Variants in LIMK1 observed in about 807,000 individuals in gnomAD.
LIMK1 encodes LIM domain kinase 1.
A neutral mutation model predicts 77.6 loss-of-function variants in LIMK1; 21 were observed. The ratio of observed to expected loss-of-function variants is 0.27; its 90% CI spans 0.19 to 0.39. LIMK1 has a LOEUF of 0.39. LIMK1 is among the 10% of genes least tolerant of loss of function. The pLI, the probability that LIMK1 is intolerant of heterozygous loss-of-function variation, is 1.00. For synonymous variants in LIMK1, 358 were observed against 370.0 expected, an observed-to-expected ratio of 0.97 and a Z score of 0.37; for missense variants, 696 against 901.6, an observed-to-expected ratio of 0.77 and a Z score of 2.92.
chr7:74,096,491 C>T, intron 2 of LIMK1, 131 bp from the exon 3 acceptor site: 2 of 1,217,704 alleles, frequency 1.6e-6, no homozygotes, highest in Non-Finnish European at 2.3e-6. Flanking sequence ...CAGAGCAAGA[C>T]TCCGTCTCAA....
Position 74,084,052 on chromosome 7 carries a change from G to A in LIMK1, c.55+7G>A. The A allele has an allele frequency of 6.8e-7, 1 of 1,480,998 alleles. No homozygotes were observed. Among genetic ancestry groups the A allele is most frequent in the Non-Finnish European group, 9.0e-7 (1 of 1,106,278 alleles). 91.7% of individuals were successfully genotyped at this position (1,480,998 alleles called of 1,614,324 possible). On this transcript the variant is annotated splice_region_variant and intron_variant, in intron 1 of 15. Coordinates refer to ENST00000336180, the MANE Select transcript of LIMK1 (RefSeq NM_002314.4). Reference sequence around the variant, plus strand: ...GAACGTATGGGAGAGGAAGGTGCGCGGGCCGCGGGGTGTGGGGCGAGGGCC... The same window carrying A: ...GAACGTATGGGAGAGGAAGGTGCGCAGGCCGCGGGGTGTGGGGCGAGGGCC...
At chr7:74,099,450 A>C (rs782173135) in intron 5 of LIMK1, among the ~76,000 whole-genome samples, 5 of 152,112 alleles carry the variant, frequency 3.3e-5, no homozygotes, top group Non-Finnish European at 7.4e-5. Context: ...GACATTTTCA[A>C]CCGGGCATGG....
intron 5 of LIMK1, among the ~76,000 whole-genome samples, chr7:74,100,167 G>C (rs1799425987): frequency 6.6e-6 from 1 of 152,110 alleles, no homozygotes; most frequent in Admixed American, 6.6e-5. Flanking sequence ...TTGAGCCCAG[G>C]AAGTGGCTAC....
chr7:74,088,399 G>A (rs1799175695), intron 2 of LIMK1, among the ~76,000 whole-genome samples: 1 of 152,174 alleles, frequency 6.6e-6, no homozygotes, highest in Non-Finnish European at 1.5e-5. Context: ...GCGGACTGCT[G>A]AGGGAACAGG....
intron 9 of LIMK1, 96 bp from the exon 10 acceptor site, chr7:74,108,809 G>C (rs1229371155): frequency 6.6e-7 from 1 of 1,526,610 alleles, no homozygotes; most frequent in Middle Eastern, 2.4e-4. Flanking sequence ...CTTTGAGACC[G>C]CCTACAGCCC....
chr7:74,100,459 G>A (rs1159603932), intron 5 of LIMK1, among the ~76,000 whole-genome samples: 3 of 152,104 alleles, frequency 2.0e-5, no homozygotes, highest in Non-Finnish European at 4.4e-5. Flanking sequence ...GTCTCACTCT[G>A]TCGCCCAGTC....
chr7:74,118,741 ACT>A (rs1421250446), intron 13 of LIMK1, among the ~76,000 whole-genome samples: 10 of 151,862 alleles, frequency 6.6e-5, no homozygotes, highest in African/African-American at 2.4e-4. Context: ...ACAGAGCAAG[ACT>A]CTGTCTCAAA....
At chr7:74,090,952 C>T (rs1181619435) in intron 2 of LIMK1, among the ~76,000 whole-genome samples, 7 of 152,046 alleles carry the variant, frequency 4.6e-5, no homozygotes, top group South Asian at 2.1e-4. Context: ...CTCGCTCTGT[C>T]GCCCAGGCTG....
chr7:74,097,268 C>A, intron 4 of LIMK1, 79 bp downstream of exon 4: 1 of 843,398 alleles, frequency 1.2e-6, no homozygotes, highest in Non-Finnish European at 1.8e-6. Flanking sequence ...TCTCCCACAC[C>A]CGGGCCTCCT....
chr7:74,083,980 C>A lies in LIMK1; in HGVS notation c.-11C>A, dbSNP rs782470899. ...CCCCAGCCCCGCCGGGCCCCGCCCC[C>A]CGTCGAGTGCATGAGGTTGACGCTA... On this transcript the variant is annotated 5_prime_UTR_variant, in exon 1 of 16. Transcript: ENST00000336180. The A allele has an allele frequency of 2.2e-6, 3 of 1,349,696 alleles. No individual in the cohort carries two copies. The highest frequency in any genetic ancestry group is 2.6e-5 in the Admixed American group (1 of 37,960). The allele number at this position is 1,349,696 out of a possible 1,614,324, so 83.6% of individuals were successfully genotyped here.
At chr7:74,117,992 G>C (rs1012368302) in intron 13 of LIMK1, among the ~76,000 whole-genome samples, 6 of 151,668 alleles carry the variant, frequency 4.0e-5, no homozygotes, top group African/African-American at 1.2e-4. Context: ...TACTAGGGAG[G>C]CTGAGGCAGG....
chr7:74,116,815 C>T (rs1230141717), intron 13 of LIMK1, among the ~76,000 whole-genome samples: 3 of 151,976 alleles, frequency 2.0e-5, no homozygotes, highest in Admixed American at 6.6e-5. Context: ...TGTCATCCCA[C>T]CCCAGCCTCC....
chr7:74,088,740 T>A (rs1799182833), intron 2 of LIMK1, among the ~76,000 whole-genome samples: 1 of 143,390 alleles, frequency 7.0e-6, no homozygotes, highest in Admixed American at 7.5e-5. Context: ...AGGCGGAGGC[T>A]GCAGTGAGCT....
chr7:74,092,089 C>T lies in LIMK1; in HGVS notation c.153-4533C>T, dbSNP rs532955896. 2.7e-5 allele frequency among the ~76,000 whole-genome samples: 4 copies of T among 150,336 alleles called. No homozygotes were observed. The East Asian group carries it at 7.9e-4, about 30-fold the overall frequency. On this transcript the variant is annotated intron_variant, in intron 2 of 15. Coordinates refer to ENST00000336180, the MANE Select transcript of LIMK1 (RefSeq NM_002314.4). Reference sequence around the variant, plus strand: ...TCAAGCGATTCTCCTGCCTCAGCTTCCTGGTAGCTGGGACTACAGGCGCCC... The same window carrying T: ...TCAAGCGATTCTCCTGCCTCAGCTTTCTGGTAGCTGGGACTACAGGCGCCC...
Position 74,093,354 on chromosome 7 carries a change from G to A in LIMK1, c.153-3268G>A, listed in dbSNP as rs538397241. ...CTGGGCTCCAGGCAGGGCCCCTGGT[G>A]TAAGGCCTGGGGCTGGAAGCCGACC... On this transcript the variant is annotated intron_variant, in intron 2 of 15. Coordinates refer to ENST00000336180, the MANE Select transcript of LIMK1 (RefSeq NM_002314.4). 7.8e-6 allele frequency: 12 copies of A among 1,532,110 alleles called. No individual in the cohort carries two copies. In the South Asian group the frequency reaches 8.4e-5, roughly 11 times the overall value. The allele number at this position is 1,532,110 out of a possible 1,614,324, so 94.9% of individuals were successfully genotyped here. A position where few individuals can be genotyped will look rare whatever the true frequency, so the allele number is the denominator to read the frequency against.
At chr7:74,087,747 G>A (rs782617553) in intron 2 of LIMK1, among the ~76,000 whole-genome samples, 19 of 151,888 alleles carry the variant, frequency 1.3e-4, no homozygotes, top group Admixed American at 6.6e-5. Flanking sequence ...GCACCACCAC[G>A]CCCGGCTAAG....
At chr7:74,099,441 A>T (rs2115673842) in intron 5 of LIMK1, among the ~76,000 whole-genome samples, 1 of 152,230 alleles carries the variant, frequency 6.6e-6, no homozygotes, top group South Asian at 2.1e-4. Context: ...CAATAAAAAG[A>T]CATTTTCAAC....
At chr7:74,091,882 C>T (rs879947382) in intron 2 of LIMK1, among the ~76,000 whole-genome samples, 7 of 135,194 alleles carry the variant, frequency 5.2e-5, no homozygotes, top group Non-Finnish European at 9.4e-5. Context: ...AGCCAGCGTG[C>T]GGGAGTGCAG....
chr7:74,098,910 C>T (rs1166964938), intron 4 of LIMK1, 122 bp from the exon 5 acceptor site: 2 of 621,078 alleles, frequency 3.2e-6, no homozygotes, highest in East Asian at 2.8e-5. Context: ...GAGACTCCAT[C>T]TCAAAAAAAA....
Sources: allele counts gnomAD v4.1 joint callset (sites outside exome capture counted in the v4.1 genomes callset), GRCh38; gene constraint gnomAD v4.1.1; transcripts MANE v1.5; gene names NCBI Gene and HGNC (gene_info 2026-07-23, HGNC 2026-07-21).